Variants in KLRG1 observed in about 807,000 individuals in gnomAD.
KLRG1 encodes killer cell lectin-like receptor subfamily G member 1.
KLRG1 carries 16 observed loss-of-function variants against 21.8 expected under a neutral mutation model. The ratio of observed to expected loss-of-function variants is 0.73; its 90% CI spans 0.50 to 1.11. KLRG1 has a LOEUF of 1.11. KLRG1 is among the 50% of genes most tolerant of loss of function. The pLI, the probability that KLRG1 is intolerant of heterozygous loss-of-function variation, is 0.00. For synonymous variants in KLRG1, 69 were observed against 75.9 expected (o/e 0.91, Z 0.47); for missense variants, 173 against 218.3 (o/e 0.79, Z 1.31).
At chr12:9,214,366 A>G in the KLRG1 span, among the ~76,000 whole-genome samples, 2 of 152,042 alleles carry the variant, frequency 1.3e-5, no homozygotes, top group African/African-American at 4.8e-5. Flanking sequence ...TCCTTTCTGT[A>G]TAAAAGACGG....
At chr12:9,048,785 A>T in the KLRG1 span, among the ~76,000 whole-genome samples, 1 of 152,214 alleles carries the variant, frequency 6.6e-6, no homozygotes, top group African/African-American at 2.4e-5. Flanking sequence ...CAAGACGGGG[A>T]TGTCTACTCT....
the KLRG1 span, among the ~76,000 whole-genome samples, chr12:9,084,761 G>A: frequency 1.4e-4 from 21 of 152,102 alleles, no homozygotes; most frequent in South Asian, 2.1e-4. Flanking sequence ...AAACAGGACC[G>A]AAACATATGC....
At chr12:8,954,177 C>T (rs939891208) in intron 1 of KLRG1, among the ~76,000 whole-genome samples, 1 of 151,910 alleles carries the variant, frequency 6.6e-6, no homozygotes, top group East Asian at 1.9e-4. Flanking sequence ...TGAAATAAGA[C>T]ACACACAGAA....
intron 3 of KLRG1, among the ~76,000 whole-genome samples, chr12:9,003,626 C>G (rs1038162592): frequency 4.6e-5 from 7 of 151,932 alleles, no homozygotes; most frequent in African/African-American, 7.3e-5. Flanking sequence ...TTACCCCCAG[C>G]ATGCACAGTT....
chr12:9,107,421 T>G, the KLRG1 span: 1 of 1,357,254 alleles, frequency 7.4e-7, no homozygotes, highest in African/African-American at 1.5e-5. Context: ...CATGGAATTC[T>G]CTTCTAGATT....
chr12:9,201,126 G>T, the KLRG1 span: 2 of 1,565,226 alleles, frequency 1.3e-6, no homozygotes, highest in Non-Finnish European at 1.7e-6. Flanking sequence ...CAACTCAAAT[G>T]ATTTTGAAGG....
the KLRG1 span, among the ~76,000 whole-genome samples, chr12:9,048,591 A>C: frequency 0.022 from 3,390 of 152,344 alleles, 117 homozygotes; most frequent in African/African-American, 0.076. Flanking sequence ...CATCACATAT[A>C]ACAGGCTAAA....
At chr12:9,101,237 A>G in the KLRG1 span, 1 of 1,548,886 alleles carries the variant, frequency 6.5e-7, no homozygotes, top group African/African-American at 1.4e-5. Context: ...AAGAAATTAA[A>G]TGTGCCAGAG....
At chr12:9,070,123 T>G in the KLRG1 span, among the ~76,000 whole-genome samples, 3 of 152,364 alleles carry the variant, frequency 2.0e-5, no homozygotes, top group East Asian at 5.8e-4. Flanking sequence ...TTTTTCCTGT[T>G]TTGCTTGCTC....
chr12:9,106,589 C>G, the KLRG1 span: 1 of 1,575,678 alleles, frequency 6.3e-7, no homozygotes, highest in Non-Finnish European at 8.7e-7. Context: ...CTGATAGAAG[C>G]AGCCATGGCT....
chr12:9,162,295 C>A, the KLRG1 span: 1 of 296,346 alleles, frequency 3.4e-6, no homozygotes, highest in Non-Finnish European at 6.2e-6. Context: ...TCCTGGGACA[C>A]TCTAAGCTTC....
At chr12:9,165,989 GA>G in the KLRG1 span, 1 of 1,528,256 alleles carries the variant, frequency 6.5e-7, no homozygotes, top group South Asian at 1.3e-5. Context: ...TCTTAGAATT[GA>G]AAATGTTGGA....
chr12:9,057,776 C>T, the KLRG1 span: 1 of 152,362 alleles, frequency 6.6e-6, no homozygotes, highest in Non-Finnish European at 1.5e-5. Flanking sequence ...TCTCTTTTTC[C>T]TTAGCATCAG....
the KLRG1 span, among the ~76,000 whole-genome samples, chr12:9,100,077 C>T: frequency 1.3e-5 from 2 of 152,250 alleles, no homozygotes; most frequent in East Asian, 1.9e-4. Flanking sequence ...AGCAAGTTAT[C>T]TTTTAGAGTC....
chr12:9,158,923 C>T, the KLRG1 span, among the ~76,000 whole-genome samples: 1 of 151,950 alleles, frequency 6.6e-6, no homozygotes, highest in Admixed American at 6.6e-5. Flanking sequence ...GAATTTATTT[C>T]CTTTCCTAGA....
chr12:9,148,063 A>T, the KLRG1 span, among the ~76,000 whole-genome samples: 11 of 152,166 alleles, frequency 7.2e-5, no homozygotes, highest in African/African-American at 2.7e-4. Context: ...ACCATCTGCT[A>T]TACCTTTGTT....
the KLRG1 span, among the ~76,000 whole-genome samples, chr12:9,022,575 G>C: frequency 6.6e-5 from 10 of 152,100 alleles, no homozygotes; most frequent in Non-Finnish European, 1.0e-4. Context: ...CTCCTAGATA[G>C]TTTTAGGATC....
chr12:9,098,791 T>C, the KLRG1 span: 1 of 1,604,738 alleles, frequency 6.2e-7, no homozygotes, highest in Non-Finnish European at 8.5e-7. Flanking sequence ...GAAAAGCAAA[T>C]TTCCAGGTTT....
the KLRG1 span, among the ~76,000 whole-genome samples, chr12:9,196,022 A>G: frequency 1.3e-5 from 2 of 152,178 alleles, no homozygotes; most frequent in African/African-American, 4.8e-5. Context: ...TGCCCAGGTC[A>G]TGATAGAAAT....
Sources: allele counts gnomAD v4.1 joint callset (sites outside exome capture counted in the v4.1 genomes callset), GRCh38; gene constraint gnomAD v4.1.1; transcripts MANE v1.5; gene names NCBI Gene and HGNC (gene_info 2026-07-23, HGNC 2026-07-21).